CRMP1: variants seen among roughly 807,000 people sequenced by gnomAD.
CRMP1 encodes collapsin response mediator protein 1.
A neutral mutation model predicts 68.3 loss-of-function variants in CRMP1; 19 were observed. The ratio of observed to expected loss-of-function variants is 0.28; its 90% CI spans 0.19 to 0.41. The LOEUF is 0.41. Among genes scored for constraint, CRMP1 ranks in the 10% least tolerant of loss-of-function variants. The probability of loss-of-function intolerance (pLI) is 1.00; values close to 1 mark genes in which losing one functional copy is unlikely to be tolerated. For synonymous variants in CRMP1, 439 were observed against 399.6 expected (o/e 1.10, Z -1.18); for missense variants, 791 against 967.4 (o/e 0.82, Z 2.42).
intron 1 of CRMP1, among the ~76,000 whole-genome samples, chr4:5,887,092 C>T (rs144398768): frequency 1.3e-5 from 2 of 152,302 alleles, no homozygotes; most frequent in Non-Finnish European, 2.9e-5. Flanking sequence ...AGCCCTCAGC[C>T]CATGCTCTAG....
chr4:5,886,466 C>T (rs3774896), intron 1 of CRMP1, among the ~76,000 whole-genome samples: 59,409 of 152,152 alleles, frequency 0.39, 14,481 homozygotes, highest in East Asian at 0.73. Flanking sequence ...CCAGCTCCAT[C>T]GGCTGGAAAA....
chr4:5,822,207 A>G (rs1718722700), intron 13 of CRMP1, among the ~76,000 whole-genome samples: 1 of 152,232 alleles, frequency 6.6e-6, no homozygotes, highest in African/African-American at 2.4e-5. Flanking sequence ...AGGGCACACA[A>G]TCATACTATG....
chr4:5,836,871 G>A lies in CRMP1; in HGVS notation c.1346C>T (p.Pro449Leu). 6.2e-7 allele frequency: 1 copy of A among 1,613,720 alleles called. No homozygotes were observed. Among genetic ancestry groups the A allele is most frequent in the Non-Finnish European group, 8.5e-7 (1 of 1,179,780 alleles). ...DLQVTGSGHC[P>L]YSTAQKAVGK... ...CACCGCCTTCTGGGCAGTGCTGTAG[G>A]GACAGTGGCCGCTGCCTGTGACCTG... Residue 449 changes from proline to leucine, a missense_variant, in exon 10 of 14, where the codon CCC (proline) becomes CTC (leucine). Pro to Leu is a moderately conservative substitution (Grantham distance 98). Transcript: ENST00000324989.
Position 5,825,462 on chromosome 4 carries a change from T to G in CRMP1, c.1969+32A>C. On this transcript the variant is annotated intron_variant, in intron 13 of 13. Transcript: ENST00000324989. This position sits in a 1 kb window ranked among gnomAD's most constrained non-coding sequence, Gnocchi z 4.4. The stretch of plus-strand genomic sequence containing the variant: ...AGGACTCGGCCTGAACTGCTGCAAT[T>G]GTGGGGAGCCTGGGCCACCACTCTT... The G allele has an allele frequency of 6.5e-7, 1 of 1,539,036 alleles. No individual in the cohort carries two copies. Among genetic ancestry groups the G allele is most frequent in the African/African-American group, 1.4e-5 (1 of 71,018 alleles).
chr4:5,827,733 G>GCGCACACACACACA (rs1553902552), intron 12 of CRMP1, among the ~76,000 whole-genome samples: 1 of 138,276 alleles, frequency 7.2e-6, no homozygotes, highest in African/African-American at 2.9e-5. Flanking sequence ...ATGTGCGCGT[G>GCGCACACACACACA]CACACACACA....
intron 12 of CRMP1, among the ~76,000 whole-genome samples, chr4:5,827,204 GC>G (rs1482561380): frequency 6.6e-6 from 1 of 152,212 alleles, no homozygotes; most frequent in Non-Finnish European, 1.5e-5. Flanking sequence ...TTAACCGCAG[GC>G]CTCAGCTTCA....
intron 11 of CRMP1, 138 bp from the exon 12 acceptor site, chr4:5,828,806 A>ATT: frequency 9.4e-7 from 1 of 1,067,790 alleles, no homozygotes; most frequent in African/African-American, 1.7e-5. Context: ...CCTTTTATTG[A>ATT]CTGTAATATT....
chr4:5,824,993 C>T (rs1477746459), intron 13 of CRMP1: 2 of 985,362 alleles, frequency 2.0e-6, no homozygotes, highest in Non-Finnish European at 2.4e-6. Flanking sequence ...TTGGGGCTTC[C>T]GTTTCCTCTT....
Position 5,889,896 on chromosome 4 carries a change from C to A in CRMP1, c.381+2693G>T, listed in dbSNP as rs976494639. 2.1e-6 allele frequency: 3 copies of A among 1,410,380 alleles called. No individual in the cohort carries two copies. Among genetic ancestry groups the A allele is most frequent in the Non-Finnish European group, 2.8e-6 (3 of 1,083,984 alleles). 87.4% of individuals were successfully genotyped at this position (1,410,380 alleles called of 1,614,324 possible). ...TTCACAGAGAAGCCAGCTCAGTATC[C>A]CAGGAACACTAGGCATAATTTTCCC... On this transcript the variant is annotated intron_variant, in intron 1 of 13. Coordinates refer to ENST00000324989, the MANE Select transcript of CRMP1 (RefSeq NM_001014809.3). The surrounding 1 kb of genome is among the most constrained non-coding windows in gnomAD (Gnocchi z 4.5).
At position 5,861,054 on chromosome 4, in the gene CRMP1, C is replaced by T. The variant is rs753743863; in HGVS notation, c.627G>A (p.Ala209=). The T allele has an allele frequency of 4.0e-5, 65 of 1,614,052 alleles. No homozygotes were observed. Among genetic ancestry groups the T allele is most frequent in the Admixed American group, 5.0e-5 (3 of 60,006 alleles). ...AADDFFQGTR[A]ALVGGTTMII... ...TCATCGTGGTCCCGCCCACCAGTGCCGCCCTGGTCCCTTGGAAGAAGTCAT... is the reference window on the plus strand; with the variant it reads ...TCATCGTGGTCCCGCCCACCAGTGCTGCCCTGGTCCCTTGGAAGAAGTCAT... Residue 209 remains alanine, a synonymous_variant, in exon 3 of 14, where the codon GCG becomes GCA. Transcript: ENST00000324989. This position sits in a 1 kb window ranked among gnomAD's most constrained non-coding sequence, Gnocchi z 6.0.
chr4:5,891,631 A>C lies in CRMP1; in HGVS notation c.381+958T>G, dbSNP rs780965531. Among the ~76,000 whole-genome samples the C allele has an allele frequency of 6.6e-6, 1 of 152,192 alleles. No homozygotes were observed. Among genetic ancestry groups the C allele is most frequent in the African/African-American group, 2.4e-5 (1 of 41,454 alleles). On this transcript the variant is annotated intron_variant, in intron 1 of 13. Coordinates refer to ENST00000324989, the MANE Select transcript of CRMP1 (RefSeq NM_001014809.3). This position sits in a 1 kb window ranked among gnomAD's most constrained non-coding sequence, Gnocchi z 5.2. ...GCCTACCCTGGGCCTGGCACCTAGC[A>C]GTTCTCCGGCATCCAGGTCTGGACC...
At chr4:5,863,835 G>A (rs1353418052) in intron 2 of CRMP1, among the ~76,000 whole-genome samples, 1 of 152,162 alleles carries the variant, frequency 6.6e-6, no homozygotes, top group African/African-American at 2.4e-5. Context: ...CTGTACCCGA[G>A]GTGGTCCCCG....
Position 5,825,903 on chromosome 4 carries a change from G to C in CRMP1, c.1804-244C>G. 1 of 513,330 alleles carries C rather than the reference G, an allele frequency of 1.9e-6. No homozygotes were observed. Among genetic ancestry groups the C allele is most frequent in the Non-Finnish European group, 3.4e-6 (1 of 296,530 alleles). The allele number at this position is 513,330 out of a possible 1,614,324, so 31.8% of individuals were successfully genotyped here. ...TACCCACATGCATACACATACAGAC[G>C]CACACACCACGCACACGCACTCACA... On this transcript the variant is annotated intron_variant, in intron 12 of 13. Transcript: ENST00000324989. The surrounding 1 kb of genome is among the most constrained non-coding windows in gnomAD (Gnocchi z 4.4).
chr4:5,856,018 C>T (rs1713027252), intron 4 of CRMP1, 125 bp downstream of exon 4: 3 of 1,106,184 alleles, frequency 2.7e-6, no homozygotes, highest in Non-Finnish European at 2.6e-6. Context: ...TGTCACGTGG[C>T]AGAGTGCAGC....
chr4:5,845,660 C>T (rs945695626), intron 6 of CRMP1, among the ~76,000 whole-genome samples: 30 of 152,296 alleles, frequency 2.0e-4, no homozygotes, highest in African/African-American at 4.6e-4. Context: ...TGCTTTAAGA[C>T]GCTATGTTCT....
Position 5,833,416 on chromosome 4 carries a change from T to C in CRMP1, c.1623+2499A>G, listed in dbSNP as rs1455228077. 2.3e-5 allele frequency among the ~76,000 whole-genome samples: 2 copies of C among 86,734 alleles called. 1 individual carries two copies. Among genetic ancestry groups the C allele is most frequent in the Non-Finnish European group, 5.0e-5 (2 of 39,988 alleles). The allele number at this position is 86,734 out of a possible 152,430, so 56.9% of individuals were successfully genotyped here. ...CTCCTGACCTCGTGATCCGCCCGCC[T>C]CGGCCTCCCAAAGTGCTGGGATTAC... On this transcript the variant is annotated intron_variant, in intron 11 of 13. Transcript: ENST00000324989.
At position 5,870,638 on chromosome 4, in the gene CRMP1, G is replaced by A. The variant is rs1042022334; in HGVS notation, c.382-3882C>T. 2.0e-5 allele frequency among the ~76,000 whole-genome samples: 3 copies of A among 152,208 alleles called. No homozygotes were observed. The highest frequency in any genetic ancestry group is 4.4e-5 in the Non-Finnish European group (3 of 68,032). ...ATGGAGAGAAAGGCATCACAGCTGT[G>A]AGCCGAGGAAGACCAGTGTGAAGAG... On this transcript the variant is annotated intron_variant, in intron 1 of 13. Transcript: ENST00000324989. The surrounding 1 kb of genome is among the most constrained non-coding windows in gnomAD (Gnocchi z 6.0).
Position 5,825,005 on chromosome 4 carries a change from A to G in CRMP1, c.1969+489T>C, listed in dbSNP as rs940578200. 1.7e-5 allele frequency: 17 copies of G among 985,304 alleles called. No homozygotes were observed. In the African/African-American group the frequency reaches 3.0e-4, roughly 17 times the overall value. 61.0% of individuals were successfully genotyped at this position (985,304 alleles called of 1,614,324 possible). A position where few individuals can be genotyped will look rare whatever the true frequency, so the allele number is the denominator to read the frequency against. ...TTCTTGGGGCTTCCGTTTCCTCTTT[A>G]AATAAATAGGGTATAATGTTACTTT... On this transcript the variant is annotated intron_variant, in intron 13 of 13. Coordinates refer to ENST00000324989, the MANE Select transcript of CRMP1 (RefSeq NM_001014809.3). The surrounding 1 kb of genome is among the most constrained non-coding windows in gnomAD (Gnocchi z 4.4).
At chr4:5,884,951 T>C (rs1022006529) in intron 1 of CRMP1, among the ~76,000 whole-genome samples, 26 of 149,300 alleles carry the variant, frequency 1.7e-4, no homozygotes, top group Non-Finnish European at 1.5e-5. Context: ...AGAAGCCGCT[T>C]CAGCTAAGTT....
Sources: gnomAD v4.1 joint callset for allele counts (sites outside exome capture counted in the v4.1 genomes callset) on GRCh38, gnomAD v4.1.1 for gene constraint, Gnocchi (gnomAD v3.1) non-coding constraint, MANE v1.5 for transcripts, NCBI Gene and HGNC (gene_info 2026-07-23, HGNC 2026-07-21) for gene names.